SHISA9: variants seen among roughly 807,000 people sequenced by gnomAD.
SHISA9 encodes the protein protein shisa-9.
Under a neutral mutation model 38.0 loss-of-function variants are expected in SHISA9, and 13 were observed. That is an observed-to-expected ratio of 0.34 (90% confidence interval 0.22 to 0.54). The LOEUF is 0.54. Among genes scored for constraint, SHISA9 ranks in the 20% least tolerant of loss-of-function variants. The pLI, the probability that SHISA9 is intolerant of heterozygous loss-of-function variation, is 0.91. For synonymous variants in SHISA9, 275 were observed against 242.0 expected, an observed-to-expected ratio of 1.14 and a Z score of -1.27; for missense variants, 538 against 575.8, an observed-to-expected ratio of 0.93 and a Z score of 0.67.
the SHISA9 span, among the ~76,000 whole-genome samples, chr16:13,278,155 CTGCATCTAT>C: frequency 6.6e-6 from 1 of 152,086 alleles, no homozygotes; most frequent in Admixed American, 6.6e-5. Context: ...AATGCTTTTT[CTGCATCTAT>C]TGAGATGATC....
the SHISA9 span, among the ~76,000 whole-genome samples, chr16:13,499,787 A>T: frequency 3.9e-5 from 6 of 152,184 alleles, no homozygotes; most frequent in Non-Finnish European, 7.4e-5. Context: ...GAGACAATTC[A>T]GCACAATTTC....
At chr16:13,420,229 G>A in the SHISA9 span, among the ~76,000 whole-genome samples, 2 of 98,686 alleles carry the variant, frequency 2.0e-5, no homozygotes, top group Non-Finnish European at 3.7e-5. Flanking sequence ...CTGGGCAACA[G>A]AGTGAGAATC....
rs186063256 is a variant in SHISA9 at position 13,092,959 on chromosome 16, C to T, written c.692-110435C>T. On this transcript the variant is annotated intron_variant, in intron 2 of 4. Transcript: ENST00000558583. Reference sequence around the variant, plus strand: ...TTCCTATTCGGCCATCTTGGAAAGCCGTAATTGAGAATCAGACTTTTAAAC... The same window carrying T: ...TTCCTATTCGGCCATCTTGGAAAGCTGTAATTGAGAATCAGACTTTTAAAC... 9.0e-4 allele frequency among the ~76,000 whole-genome samples: 137 copies of T among 152,210 alleles called. 2 individuals are homozygous for T. Among genetic ancestry groups the T allele is most frequent in the Middle Eastern group, 6.8e-3 (2 of 294 alleles).
At chr16:13,008,660 TCCCTTCCTCCCTCCC>T (rs1567179918) in intron 2 of SHISA9, among the ~76,000 whole-genome samples, 5 of 23,164 alleles carry the variant, frequency 2.2e-4, no homozygotes, top group Middle Eastern at 0.077. Context: ...CCTCCCTCCC[TCCCTTCCTCCCTCCC>T]TCCCTCTCTC....
rs1434497659 is a variant in SHISA9 at position 13,060,658 on chromosome 16, A to AC, written c.692-142736_692-142735insC. On this transcript the variant is annotated intron_variant, in intron 2 of 4. Transcript: ENST00000558583. ...ATCTCAAAAAAAAAAAAAAAAAAAA[A>AC]AAACACTCAAAATACAGGAAATTAA... 9.1e-5 allele frequency among the ~76,000 whole-genome samples: 11 copies of AC among 121,226 alleles called. No individual in the cohort carries two copies. In the East Asian group the frequency reaches 2.0e-3, roughly 22 times the overall value. The allele number at this position is 121,226 out of a possible 152,430, so 79.5% of individuals were successfully genotyped here.
At chr16:13,509,022 T>C in the SHISA9 span, among the ~76,000 whole-genome samples, 2 of 152,192 alleles carry the variant, frequency 1.3e-5, no homozygotes, top group African/African-American at 4.8e-5. Context: ...ATTTCTCATA[T>C]GATTTCCAGG....
chr16:13,148,810 G>GCCTAGAAT (rs1414527067), intron 2 of SHISA9, among the ~76,000 whole-genome samples: 1 of 149,556 alleles, frequency 6.7e-6, no homozygotes, highest in Non-Finnish European at 1.5e-5. Context: ...CACAATCCTA[G>GCCTAGAAT]CCTAGAATCA....
intron 2 of SHISA9, among the ~76,000 whole-genome samples, chr16:13,086,828 T>A (rs1450393399): frequency 1.3e-5 from 2 of 148,940 alleles, no homozygotes; most frequent in East Asian, 1.9e-4. Context: ...TTTATTTTTT[T>A]AAAATTTATT....
chr16:13,283,726 C>G, the SHISA9 span, among the ~76,000 whole-genome samples: 2 of 151,960 alleles, frequency 1.3e-5, no homozygotes, highest in Non-Finnish European at 2.9e-5. Context: ...ACCATATCAT[C>G]TAGGATGTGT....
At chr16:13,515,339 G>A in the SHISA9 span, among the ~76,000 whole-genome samples, 1 of 152,106 alleles carries the variant, frequency 6.6e-6, no homozygotes, top group South Asian at 2.1e-4. Flanking sequence ...AGAAACTTAA[G>A]GCTACATGAA....
In SHISA9 at chr16:13,173,044, C is replaced by T. The variant is rs577974922; in HGVS notation, c.692-30350C>T. 7.2e-5 allele frequency among the ~76,000 whole-genome samples: 11 copies of T among 151,970 alleles called. No individual in the cohort carries two copies. The South Asian group carries it at 2.3e-3, about 32-fold the overall frequency. Reference sequence around the variant, plus strand: ...ATGCTTTAATGACCCCGATAATGTCCCTTTTATCAAATGGAAAAAGGAGTT... The same window carrying T: ...ATGCTTTAATGACCCCGATAATGTCTCTTTTATCAAATGGAAAAAGGAGTT... On this transcript the variant is annotated intron_variant, in intron 2 of 4. Coordinates refer to ENST00000558583, the MANE Select transcript of SHISA9 (RefSeq NM_001145204.3).
chr16:13,478,527 C>T, the SHISA9 span, among the ~76,000 whole-genome samples: 1 of 152,182 alleles, frequency 6.6e-6, no homozygotes, highest in Non-Finnish European at 1.5e-5. Flanking sequence ...CTTCCTTGTG[C>T]ATCAGTTCCT....
chr16:13,227,596 A>C (rs1003647431), intron 4 of SHISA9, among the ~76,000 whole-genome samples: 3 of 152,158 alleles, frequency 2.0e-5, no homozygotes, highest in African/African-American at 7.2e-5. Flanking sequence ...TGGATATATA[A>C]ATTTTGAAGT....
In SHISA9 at chr16:13,237,639, G is replaced by C. The variant is rs1015369498; in HGVS notation, c.*2230G>C. 1 of 145,560 alleles carries C rather than the reference G, an allele frequency of 6.9e-6. No homozygotes were observed. Among genetic ancestry groups the C allele is most frequent in the Non-Finnish European group, 1.5e-5 (1 of 66,850 alleles). The allele number at this position is 145,560 out of a possible 1,614,324, so 9.0% of individuals were successfully genotyped here. A position where few individuals can be genotyped will look rare whatever the true frequency, so the allele number is the denominator to read the frequency against. ...ACCACTGCCCTCTAGCCTGGGTGAC[G>C]GAGTGAGACTATCTCAAAAAAAAAA... On this transcript the variant is annotated 3_prime_UTR_variant, in exon 5 of 5. Transcript: ENST00000558583.
At chr16:13,298,687 G>A in the SHISA9 span, among the ~76,000 whole-genome samples, 1 of 152,270 alleles carries the variant, frequency 6.6e-6, no homozygotes, top group East Asian at 1.9e-4. Context: ...GGCGTTTCAG[G>A]TCAGAGTTCG....
intron 2 of SHISA9, among the ~76,000 whole-genome samples, chr16:13,065,179 T>G (rs1400539956): frequency 6.6e-6 from 1 of 152,164 alleles, no homozygotes; most frequent in Non-Finnish European, 1.5e-5. Context: ...CACGTTCATC[T>G]TCTTCTCCCC....
At chr16:13,093,181 C>G (rs913482364) in intron 2 of SHISA9, among the ~76,000 whole-genome samples, 4 of 152,106 alleles carry the variant, frequency 2.6e-5, no homozygotes, top group Admixed American at 2.6e-4. Context: ...GGCTGCACCC[C>G]TCTTGTTCTG....
rs928014916 is a variant in SHISA9 at position 13,039,287 on chromosome 16, G to A, written c.691+122472G>A. ...TCACATGCAATGTCTTATATGATTC[G>A]ACTTGAACTCTCAAAATTCTCAGGA... is the stretch of plus-strand genomic sequence containing the variant. On this transcript the variant is annotated intron_variant, in intron 2 of 4. Transcript: ENST00000558583. 2.6e-5 allele frequency among the ~76,000 whole-genome samples: 4 copies of A among 152,008 alleles called. No individual in the cohort carries two copies. The South Asian group carries it at 6.3e-4, about 24-fold the overall frequency.
chr16:12,995,545 C>T (rs17239765), intron 2 of SHISA9, among the ~76,000 whole-genome samples: 4,062 of 152,180 alleles, frequency 0.027, 76 homozygotes, highest in Non-Finnish European at 0.042. Flanking sequence ...ATGTCTTAAA[C>T]GCAAATGAGG....
Sources: allele counts gnomAD v4.1 joint callset (sites outside exome capture counted in the v4.1 genomes callset), GRCh38; gene constraint gnomAD v4.1.1; transcripts MANE v1.5; gene names NCBI Gene and HGNC (gene_info 2026-07-23, HGNC 2026-07-21).